PRDM10: variants seen among roughly 807,000 people sequenced by gnomAD.
PRDM10 encodes PR/SET domain 10.
A neutral mutation model predicts 133.1 loss-of-function variants in PRDM10; 65 were observed. That is an observed-to-expected ratio of 0.49 (90% CI 0.40 to 0.60). PRDM10 has a LOEUF of 0.60. Ranked by LOEUF, PRDM10 falls within the 20% of genes least tolerant of loss-of-function variation. PRDM10 has a pLI of 0.00. For synonymous variants in PRDM10, 582 were observed against 580.4 expected (o/e 1.00, Z -0.04); for missense variants, 1,137 against 1,507.1 (o/e 0.75, Z 4.07).
chr11:129,987,462 G>T (rs1206667933), intron 1 of PRDM10, among the ~76,000 whole-genome samples: 1 of 152,130 alleles, frequency 6.6e-6, no homozygotes, highest in Non-Finnish European at 1.5e-5. Flanking sequence ...CTGCCAATAT[G>T]GAAAACAGCC....
At chr11:129,952,453 T>C (rs1409354195) in intron 4 of PRDM10, among the ~76,000 whole-genome samples, 2 of 152,190 alleles carry the variant, frequency 1.3e-5, no homozygotes, top group African/African-American at 4.8e-5. Context: ...TCAAATAGAA[T>C]AGTATTTTAT....
Position 129,905,869 on chromosome 11 carries a change from T to C in PRDM10, c.3164-128A>G, listed in dbSNP as rs1950000641. The C allele has an allele frequency of 1.1e-4, 89 of 780,152 alleles. 1 individual carries two copies. In the South Asian group the frequency reaches 1.4e-3, roughly 12 times the overall value. 48.3% of individuals were successfully genotyped at this position (780,152 alleles called of 1,614,324 possible). A position where few individuals can be genotyped will look rare whatever the true frequency, so the allele number is the denominator to read the frequency against. ...CCATGAGAGTCTCACAATGATGTGATTTCTTGGTGCCGTGAAAGCATCTCT... is the reference window on the plus strand; with the variant it reads ...CCATGAGAGTCTCACAATGATGTGACTTCTTGGTGCCGTGAAAGCATCTCT... On this transcript the variant is annotated intron_variant, in intron 19 of 20. Transcript: ENST00000360871.
At chr11:129,975,214 G>A (rs969160013) in intron 1 of PRDM10, among the ~76,000 whole-genome samples, 1 of 152,152 alleles carries the variant, frequency 6.6e-6, no homozygotes, top group African/African-American at 2.4e-5. Context: ...ATCACCTGAG[G>A]TCAGGAGTTC....
chr11:129,981,842 G>C (rs1295718473), intron 1 of PRDM10, among the ~76,000 whole-genome samples: 1 of 152,066 alleles, frequency 6.6e-6, no homozygotes, highest in Non-Finnish European at 1.5e-5. Context: ...GTTGCAGTGA[G>C]CCGAGATCGC....
intron 12 of PRDM10, 142 bp downstream of exon 12, chr11:129,924,740 G>T: frequency 1.4e-6 from 1 of 702,368 alleles, no homozygotes; most frequent in Non-Finnish European, 2.4e-6. Context: ...TAGTTTGATT[G>T]AAGAAATATT....
intron 4 of PRDM10, among the ~76,000 whole-genome samples, chr11:129,951,798 A>G (rs1951588688): frequency 6.6e-6 from 1 of 152,162 alleles, no homozygotes; most frequent in Non-Finnish European, 1.5e-5. Context: ...CAAAGAGGAG[A>G]CTATGCCTGG....
In PRDM10 at chr11:129,927,992, CA is replaced by C; in HGVS notation, c.1531-2764del. On this transcript the variant is annotated intron_variant, in intron 11 of 20. Transcript: ENST00000360871. ...TATATATCAGCTACTCTAGGGATAC[CA>C]AAATCGTATTGTTGCTAAATTCTGT... Among the ~76,000 whole-genome samples the C allele has an allele frequency of 1.3e-5, 2 of 152,300 alleles. 1 individual carries two copies. The highest frequency in any genetic ancestry group is 6.8e-3 in the Middle Eastern group (2 of 294).
intron 1 of PRDM10, among the ~76,000 whole-genome samples, chr11:129,996,894 T>C (rs1171287039): frequency 6.6e-6 from 1 of 152,214 alleles, no homozygotes; most frequent in Non-Finnish European, 1.5e-5. Flanking sequence ...TGATTACTGT[T>C]ATTATCCCTA....
chr11:129,931,615 T>G lies in PRDM10; in HGVS notation c.1288-357A>C, dbSNP rs1294072596. 2.0e-5 allele frequency among the ~76,000 whole-genome samples: 3 copies of G among 150,834 alleles called. 1 individual carries two copies. Among genetic ancestry groups the G allele is most frequent in the South Asian group, 4.2e-4 (2 of 4,794 alleles). On this transcript the variant is annotated intron_variant, in intron 10 of 20. Transcript: ENST00000360871. ...ACGGAGTCTCGCTCTGTCCCCAGGC[T>G]GGAGTGCAGTGGCGCGATCTCGACT...
intron 1 of PRDM10, among the ~76,000 whole-genome samples, chr11:129,990,060 C>G (rs886513438): frequency 2.6e-5 from 4 of 151,994 alleles, no homozygotes; most frequent in Non-Finnish European, 5.9e-5. Context: ...AAAAACTGGC[C>G]AGGCATGGGG....
chr11:129,956,094 G>A (rs961734375), intron 3 of PRDM10, among the ~76,000 whole-genome samples: 1 of 151,970 alleles, frequency 6.6e-6, no homozygotes, highest in Non-Finnish European at 1.5e-5. Context: ...TGTTCCATGA[G>A]TTCTTTTCTA....
rs183488838 is a variant in PRDM10, at chr11:129,989,326, T to C, written c.-119+13396A>G. Among the ~76,000 whole-genome samples, 9 of 152,238 alleles carry C rather than the reference T, an allele frequency of 5.9e-5. No homozygotes were observed. In the East Asian group the frequency reaches 1.5e-3, roughly 26 times the overall value. On this transcript the variant is annotated intron_variant, in intron 1 of 20. Coordinates refer to ENST00000360871, the MANE Select transcript of PRDM10 (RefSeq NM_199437.2). ...CTCTGGGAGGGAAAAAAAAAAGTCA[T>C]TGAGCATGCATGTTTCTCAGCTATG...
chr11:129,970,841 C>T (rs1006112135), intron 1 of PRDM10, among the ~76,000 whole-genome samples: 1 of 152,084 alleles, frequency 6.6e-6, no homozygotes, highest in Non-Finnish European at 1.5e-5. Flanking sequence ...TCACGGCACC[C>T]GACCCCCCTT....
At chr11:129,932,497 T>C (rs1405230939) in intron 9 of PRDM10, among the ~76,000 whole-genome samples, 2 of 152,240 alleles carry the variant, frequency 1.3e-5, no homozygotes, top group African/African-American at 2.4e-5. Context: ...ATATTTTGCT[T>C]CTGAAATGAT....
intron 1 of PRDM10, among the ~76,000 whole-genome samples, chr11:129,966,805 G>A (rs1951916615): frequency 6.6e-6 from 1 of 152,146 alleles, no homozygotes; most frequent in African/African-American, 2.4e-5. Flanking sequence ...GCTTAGAGGA[G>A]ATTCCTGGAG....
chr11:129,965,765 A>T (rs1951895129), intron 1 of PRDM10, among the ~76,000 whole-genome samples: 1 of 152,114 alleles, frequency 6.6e-6, no homozygotes, highest in African/African-American at 2.4e-5. Flanking sequence ...ATATACAAAA[A>T]AAAAGATCCC....
chr11:129,958,030 C>G, intron 2 of PRDM10, 120 bp from the exon 3 acceptor site: 1 of 1,171,294 alleles, frequency 8.5e-7, no homozygotes. Flanking sequence ...ACACCTTTGT[C>G]TACACCGAGG....
intron 1 of PRDM10, among the ~76,000 whole-genome samples, chr11:129,979,510 A>G (rs1331691169): frequency 6.6e-6 from 1 of 152,134 alleles, no homozygotes; most frequent in Non-Finnish European, 1.5e-5. Flanking sequence ...CAGGGTTGCA[A>G]GGGAGACTGT....
At chr11:129,915,615 C>T (rs756084047) in intron 16 of PRDM10, 45 bp downstream of exon 16, 4 of 1,518,358 alleles carry the variant, frequency 2.6e-6, no homozygotes, top group East Asian at 2.3e-5. Context: ...AGAGATTCCT[C>T]GCATGGCGGT....
Sources: allele counts gnomAD v4.1 joint callset (sites outside exome capture counted in the v4.1 genomes callset), GRCh38; gene constraint gnomAD v4.1.1; transcripts MANE v1.5; gene names NCBI Gene and HGNC (gene_info 2026-07-23, HGNC 2026-07-21).